BTBD9: variants seen among roughly 807,000 people sequenced by gnomAD.
The protein encoded by BTBD9 is BTB domain containing 9.
Under a neutral mutation model 64.3 loss-of-function variants are expected in BTBD9, and 49 were observed. The ratio of observed to expected loss-of-function variants is 0.76; its 90% CI spans 0.61 to 0.97. The LOEUF (loss-of-function observed/expected upper bound fraction) is 0.97, where lower values mean the gene tolerates loss of function less well. Among genes scored for constraint, BTBD9 ranks in the 50% least tolerant of loss-of-function variants. The pLI is 0.00. For synonymous variants in BTBD9, 260 were observed against 274.7 expected (o/e 0.95, Z 0.53); for missense variants, 598 against 762.1 (o/e 0.78, Z 2.53).
intron 6 of BTBD9, among the ~76,000 whole-genome samples, chr6:38,363,211 C>T (rs1027152583): frequency 1.3e-5 from 2 of 152,138 alleles, no homozygotes; most frequent in Non-Finnish European, 2.9e-5. Flanking sequence ...GTTTCAGCCT[C>T]CAGCATAGCT....
chr6:38,171,555 G>GGTGTGTGT lies in BTBD9; in HGVS notation c.*3422_*3429dup, dbSNP rs56046321. The GGTGTGTGT allele has an allele frequency of 2.4e-5, 3 of 122,944 alleles. No individual in the cohort carries two copies. The highest frequency in any genetic ancestry group is 3.3e-5 in the African/African-American group (1 of 30,468). The allele number at this position is 122,944 out of a possible 1,614,324, so 7.6% of individuals were successfully genotyped here. On this transcript the variant is annotated 3_prime_UTR_variant, in exon 11 of 11. Coordinates refer to ENST00000481247, the MANE Select transcript of BTBD9 (RefSeq NM_001099272.2). Reference sequence around the variant, plus strand: ...AAAGCACTGAGAAAATGGTAAAACGGGTGTGTGTGTGTGTGTGTGTGTGTG... The same window carrying GGTGTGTGT: ...AAAGCACTGAGAAAATGGTAAAACGGGTGTGTGTGTGTGTGTGTGTGTGTGTGTGTGTG...
chr6:38,540,761 G>A (rs1400823384), intron 6 of BTBD9, among the ~76,000 whole-genome samples: 2 of 152,182 alleles, frequency 1.3e-5, no homozygotes, highest in Non-Finnish European at 2.9e-5. Flanking sequence ...GACTTGTGCC[G>A]ACTAGCAGGA....
At chr6:38,236,347 G>C (rs1466756821) in intron 9 of BTBD9, among the ~76,000 whole-genome samples, 1 of 152,090 alleles carries the variant, frequency 6.6e-6, no homozygotes, top group African/African-American at 2.4e-5. Flanking sequence ...CAAATCATAT[G>C]ACCTAGACAT....
intron 6 of BTBD9, among the ~76,000 whole-genome samples, chr6:38,466,119 AT>A (rs1211162420): frequency 6.6e-6 from 1 of 151,096 alleles, no homozygotes; most frequent in African/African-American, 2.4e-5. Context: ...CCAGCCAATA[AT>A]TTTTATCTTT....
chr6:38,445,546 A>G (rs1160450112), intron 6 of BTBD9, among the ~76,000 whole-genome samples: 1 of 152,198 alleles, frequency 6.6e-6, no homozygotes, highest in Admixed American at 6.5e-5. Context: ...TTATCATTTT[A>G]TTATTCTGTA....
chr6:38,238,801 G>A (rs1049110645), intron 9 of BTBD9, among the ~76,000 whole-genome samples: 1 of 152,140 alleles, frequency 6.6e-6, no homozygotes, highest in Non-Finnish European at 1.5e-5. Context: ...TGCAGGTGAA[G>A]CCTCCAAGTA....
At chr6:38,574,393 G>A (rs1035886059) in intron 6 of BTBD9, among the ~76,000 whole-genome samples, 2 of 152,066 alleles carry the variant, frequency 1.3e-5, no homozygotes, top group African/African-American at 4.8e-5. Context: ...AGATAAAACT[G>A]TTTAAGGCAT....
At chr6:38,631,146 G>A (rs1363863300) in intron 1 of BTBD9, among the ~76,000 whole-genome samples, 3 of 152,222 alleles carry the variant, frequency 2.0e-5, no homozygotes. Context: ...AAGCTAATGT[G>A]ATGGATATAA....
At chr6:38,416,869 C>T (rs1767689970) in intron 6 of BTBD9, among the ~76,000 whole-genome samples, 1 of 152,170 alleles carries the variant, frequency 6.6e-6, no homozygotes, top group Non-Finnish European at 1.5e-5. Context: ...GATCTGGAAG[C>T]TACATTGCTC....
intron 9 of BTBD9, among the ~76,000 whole-genome samples, chr6:38,220,543 T>C (rs1322785198): frequency 2.0e-4 from 30 of 152,264 alleles, no homozygotes; most frequent in Admixed American, 1.8e-3. Context: ...TTACAATGTA[T>C]GATTCATTTT....
chr6:38,177,878 G>C (rs1304523063), intron 10 of BTBD9, among the ~76,000 whole-genome samples: 1 of 152,220 alleles, frequency 6.6e-6, no homozygotes, highest in Non-Finnish European at 1.5e-5. Flanking sequence ...AACTGCTTCT[G>C]TGTTTTCCTA....
At chr6:38,265,017 T>C (rs78464895) in intron 8 of BTBD9, among the ~76,000 whole-genome samples, 136 of 152,288 alleles carry the variant, frequency 8.9e-4, no homozygotes, top group Non-Finnish European at 1.6e-3. Flanking sequence ...TCAGAGAGTC[T>C]ACCTACTGTC....
At chr6:38,229,561 A>G (rs1763526403) in intron 9 of BTBD9, among the ~76,000 whole-genome samples, 1 of 152,206 alleles carries the variant, frequency 6.6e-6, no homozygotes, top group Non-Finnish European at 1.5e-5. Flanking sequence ...AGAGCACAAT[A>G]GGAAGGTCAT....
intron 7 of BTBD9, among the ~76,000 whole-genome samples, chr6:38,333,387 G>A (rs910341785): frequency 1.3e-5 from 2 of 152,294 alleles, no homozygotes; most frequent in African/African-American, 4.8e-5. Flanking sequence ...GTTTTGTGCA[G>A]TATTTTCACT....
At position 38,171,655 on chromosome 6, in the gene BTBD9, A is replaced by G. The variant is rs1766772422; in HGVS notation, c.*3330T>C. The stretch of plus-strand genomic sequence containing the variant: ...GGTGGTTCATAGCTGCTTCAAGTCC[A>G]AAGTGCTCACAACGGCTCCTGTGAG... On this transcript the variant is annotated 3_prime_UTR_variant, in exon 11 of 11. Coordinates refer to ENST00000481247, the MANE Select transcript of BTBD9 (RefSeq NM_001099272.2). 1 of 150,080 alleles carries G rather than the reference A, an allele frequency of 6.7e-6. No individual in the cohort carries two copies. The highest frequency in any genetic ancestry group is 2.5e-5 in the African/African-American group (1 of 40,520). The allele number at this position is 150,080 out of a possible 1,614,324, so 9.3% of individuals were successfully genotyped here.
chr6:38,493,191 A>C (rs1027281066), intron 6 of BTBD9, among the ~76,000 whole-genome samples: 3 of 152,230 alleles, frequency 2.0e-5, no homozygotes, highest in African/African-American at 4.8e-5. Context: ...ATGTTTAATG[A>C]GAAAGAATTA....
intron 6 of BTBD9, among the ~76,000 whole-genome samples, chr6:38,382,889 T>C (rs1415641062): frequency 6.6e-6 from 1 of 152,156 alleles, no homozygotes; most frequent in African/African-American, 2.4e-5. Context: ...GCTATAAACA[T>C]TAAGATATTT....
At chr6:38,562,177 T>C (rs374914093) in intron 6 of BTBD9, among the ~76,000 whole-genome samples, 10 of 152,300 alleles carry the variant, frequency 6.6e-5, no homozygotes, top group South Asian at 2.1e-4. Context: ...CACAGGAAAA[T>C]AGAAGTCATC....
intron 9 of BTBD9, among the ~76,000 whole-genome samples, chr6:38,230,124 C>T (rs1399277535): frequency 6.6e-6 from 1 of 152,210 alleles, no homozygotes; most frequent in African/African-American, 2.4e-5. Flanking sequence ...CAACAGCTTC[C>T]TTACTAATCT....
Sources: allele counts gnomAD v4.1 joint callset (sites outside exome capture counted in the v4.1 genomes callset), GRCh38; gene constraint gnomAD v4.1.1; transcripts MANE v1.5; gene names NCBI Gene and HGNC (gene_info 2026-07-23, HGNC 2026-07-21).